Variants in CACNA1E observed in about 807,000 individuals in gnomAD.
CACNA1E encodes calcium voltage-gated channel subunit alpha1 E.
A neutral mutation model predicts 259.2 loss-of-function variants in CACNA1E; 40 were observed. The ratio of observed to expected loss-of-function variants is 0.15; its 90% CI spans 0.12 to 0.20. The LOEUF is 0.20. Among genes scored for constraint, CACNA1E ranks in the 10% least tolerant of loss-of-function variants. The probability of loss-of-function intolerance (pLI) is 1.00; values close to 1 mark genes in which losing one functional copy is unlikely to be tolerated. For synonymous variants in CACNA1E, 1,104 were observed against 1,138.5 expected (o/e 0.97, Z 0.61); for missense variants, 1,874 against 3,040.1 (o/e 0.62, Z 9.02).
intron 7 of CACNA1E, among the ~76,000 whole-genome samples, chr1:181,672,467 A>G (rs1431574470): frequency 1.3e-5 from 2 of 152,220 alleles, no homozygotes. Context: ...TCCAAAGGTA[A>G]TGATCTGGAA....
chr1:181,613,585 C>A (rs1654945158), intron 6 of CACNA1E, among the ~76,000 whole-genome samples: 1 of 152,040 alleles, frequency 6.6e-6, no homozygotes, highest in African/African-American at 2.4e-5. Context: ...ATTGTACAAC[C>A]AAAAGACTGG....
chr1:181,719,100 C>G (rs530414855), intron 12 of CACNA1E, among the ~76,000 whole-genome samples: 1 of 152,330 alleles, frequency 6.6e-6, no homozygotes, highest in South Asian at 2.1e-4. Flanking sequence ...TCACTTTAAC[C>G]TCAGTTTCTT....
intron 1 of CACNA1E, among the ~76,000 whole-genome samples, chr1:181,331,179 ATTAG>A (rs1166809162): frequency 6.6e-6 from 1 of 152,146 alleles, no homozygotes; most frequent in Non-Finnish European, 1.5e-5. Context: ...GGGGAAGTGT[ATTAG>A]TTAGGGTTCC....
chr1:181,736,604 G>C (rs141871904), intron 22 of CACNA1E, among the ~76,000 whole-genome samples, 170 bp downstream of exon 22: 87 of 152,320 alleles, frequency 5.7e-4, no homozygotes, highest in African/African-American at 1.5e-3. Context: ...AGTGAGGTGG[G>C]TTGGTAAGTT....
intron 3 of CACNA1E, among the ~76,000 whole-genome samples, chr1:181,544,250 G>A (rs1668815828): frequency 6.6e-6 from 1 of 152,206 alleles, no homozygotes; most frequent in Non-Finnish European, 1.5e-5. Context: ...TTCAGAATGA[G>A]CAAATCCATA....
At chr1:181,434,780 G>A (rs1436309991) in intron 2 of CACNA1E, among the ~76,000 whole-genome samples, 1 of 152,192 alleles carries the variant, frequency 6.6e-6, no homozygotes, top group African/African-American at 2.4e-5. Context: ...GGAACACTTC[G>A]GAGCTCAGGG....
chr1:181,755,833 T>G (rs922552741), intron 28 of CACNA1E, 123 bp from the exon 29 acceptor site: 4 of 1,017,000 alleles, frequency 3.9e-6, no homozygotes, highest in Non-Finnish European at 5.6e-6. Context: ...GAATTCCTTT[T>G]GCCTTACACA....
At chr1:181,571,885 A>G (rs940692030) in intron 3 of CACNA1E, among the ~76,000 whole-genome samples, 1 of 152,192 alleles carries the variant, frequency 6.6e-6, no homozygotes, top group Non-Finnish European at 1.5e-5. Context: ...ATGACTAAGA[A>G]GGGAGCTCTT....
At chr1:181,403,821 G>A (rs1657272268) in intron 1 of CACNA1E, among the ~76,000 whole-genome samples, 3 of 152,150 alleles carry the variant, frequency 2.0e-5, no homozygotes, top group Admixed American at 1.3e-4. Context: ...TGGCTTCCGG[G>A]TTGATTGAAT....
intron 1 of CACNA1E, among the ~76,000 whole-genome samples, chr1:181,369,380 C>T (rs1445246312): frequency 6.6e-6 from 1 of 152,204 alleles, no homozygotes; most frequent in Non-Finnish European, 1.5e-5. Flanking sequence ...TGTGGTGTCA[C>T]GAGCCTTGCT....
intron 1 of CACNA1E, among the ~76,000 whole-genome samples, chr1:181,486,812 G>A (rs1663857865): frequency 6.6e-6 from 1 of 152,038 alleles, no homozygotes; most frequent in African/African-American, 2.4e-5. Flanking sequence ...AGTGGGGAGG[G>A]GTCTTAGTTC....
chr1:181,786,093 TATAGAGGAG>T (rs369555333), intron 43 of CACNA1E, among the ~76,000 whole-genome samples: 20 of 152,250 alleles, frequency 1.3e-4, no homozygotes, highest in African/African-American at 4.8e-4. Flanking sequence ...ACTTGGGTCT[TATAGAGGAG>T]ATTATTTTTC....
chr1:181,781,293 G>A lies in CACNA1E; in HGVS notation c.5268-134G>A, dbSNP rs770112303. The A allele has an allele frequency of 3.9e-5, 24 of 609,558 alleles. 2 individuals are homozygous for A. The highest frequency in any genetic ancestry group is 3.6e-4 in the South Asian group (18 of 50,578). The allele number at this position is 609,558 out of a possible 1,614,324, so 37.8% of individuals were successfully genotyped here. ...TTCTCCTGTTTTCTGTATTTTGTTCGTTTTTGCTCTCTGGGAATGCCTATT... is the reference window on the plus strand; with the variant it reads ...TTCTCCTGTTTTCTGTATTTTGTTCATTTTTGCTCTCTGGGAATGCCTATT... On this transcript the variant is annotated intron_variant, in intron 38 of 47. Coordinates refer to ENST00000367573, the MANE Select transcript of CACNA1E (RefSeq NM_001205293.3).
At chr1:181,792,975 A>G (rs1661460954) in intron 44 of CACNA1E, among the ~76,000 whole-genome samples, 1 of 152,238 alleles carries the variant, frequency 6.6e-6, no homozygotes, top group Non-Finnish European at 1.5e-5. Flanking sequence ...TAATTTTTAT[A>G]TTGATTACAT....
At chr1:181,576,081 GTCCCC>G (rs1650944967) in intron 3 of CACNA1E, among the ~76,000 whole-genome samples, 2 of 152,152 alleles carry the variant, frequency 1.3e-5, no homozygotes, top group African/African-American at 4.8e-5. Flanking sequence ...ACTGCCCCAA[GTCCCC>G]CCGTTTCTGA....
In CACNA1E at chr1:181,718,281, C is replaced by A. The variant is rs114874713; in HGVS notation, c.1638+114C>A. 2.3e-3 allele frequency: 1,384 copies of A among 608,442 alleles called. 16 individuals carry two copies. In the African/African-American group the frequency reaches 0.023, roughly 10 times the overall value. The allele number at this position is 608,442 out of a possible 1,614,324, so 37.7% of individuals were successfully genotyped here. A position where few individuals can be genotyped will look rare whatever the true frequency, so the allele number is the denominator to read the frequency against. The stretch of plus-strand genomic sequence containing the variant: ...GCACTGAAATCAGAATATGTAAAAG[C>A]GGAATAGATAAGATTAGCTAAAGGG... On this transcript the variant is annotated intron_variant, in intron 12 of 47. Coordinates refer to ENST00000367573, the MANE Select transcript of CACNA1E (RefSeq NM_001205293.3).
intron 7 of CACNA1E, among the ~76,000 whole-genome samples, chr1:181,681,093 G>A (rs768685049): frequency 1.1e-4 from 17 of 152,346 alleles, no homozygotes; most frequent in African/African-American, 2.6e-4. Context: ...TCACGTGGCC[G>A]TGCCTCCCCT....
At chr1:181,539,942 A>G (rs1668455450) in intron 3 of CACNA1E, among the ~76,000 whole-genome samples, 1 of 152,154 alleles carries the variant, frequency 6.6e-6, no homozygotes, top group Non-Finnish European at 1.5e-5. Flanking sequence ...AGGATGCCAG[A>G]TTTCAGGTCC....
intron 43 of CACNA1E, among the ~76,000 whole-genome samples, chr1:181,790,078 TAAAC>T (rs1455776057): frequency 6.6e-6 from 1 of 152,220 alleles, no homozygotes; most frequent in Non-Finnish European, 1.5e-5. Context: ...GCTTAATATT[TAAAC>T]AAACTGTTCA....
Sources: allele counts gnomAD v4.1 joint callset (sites outside exome capture counted in the v4.1 genomes callset), GRCh38; gene constraint gnomAD v4.1.1; transcripts MANE v1.5; gene names NCBI Gene and HGNC (gene_info 2026-07-23, HGNC 2026-07-21).